Variants in IQGAP2 observed in about 807,000 individuals in gnomAD.
IQGAP2 encodes the protein ras GTPase-activating-like protein IQGAP2.
In IQGAP2, 173 loss-of-function variants were observed where a neutral mutation model predicts 201.3. The ratio of observed to expected loss-of-function variants is 0.86; its 90% confidence interval spans 0.76 to 0.98. The LOEUF is 0.98. IQGAP2 is among the 50% of genes least tolerant of loss of function. The pLI is 0.00. For synonymous variants in IQGAP2, 675 were observed against 673.9 expected, an observed-to-expected ratio of 1.00 and a Z score of -0.03; for missense variants, 1,687 against 1,864.8, an observed-to-expected ratio of 0.90 and a Z score of 1.76.
intron 29 of IQGAP2, among the ~76,000 whole-genome samples, chr5:76,683,491 CA>C (rs548478111): frequency 2.6e-5 from 4 of 152,152 alleles, no homozygotes; most frequent in African/African-American, 9.6e-5. Flanking sequence ...AGAAAGAAGC[CA>C]TCAATAAAGA....
intron 1 of IQGAP2, among the ~76,000 whole-genome samples, chr5:76,443,446 C>A (rs1373138559): frequency 1.3e-5 from 2 of 151,532 alleles, no homozygotes; most frequent in Non-Finnish European, 2.9e-5. Flanking sequence ...CATAGTGAGA[C>A]CTCATCTCTG....
chr5:76,668,345 T>C (rs939250034), intron 22 of IQGAP2, among the ~76,000 whole-genome samples: 1 of 151,712 alleles, frequency 6.6e-6, no homozygotes, highest in Non-Finnish European at 1.5e-5. Flanking sequence ...CTATCATAAT[T>C]TTCTACTATA....
chr5:76,608,897 C>T (rs1748026289), intron 12 of IQGAP2: 2 of 474,858 alleles, frequency 4.2e-6, no homozygotes, highest in Non-Finnish European at 7.7e-6. Context: ...TCTAAAAGAA[C>T]GCCCACTCTC....
At chr5:76,551,798 G>A (rs1743555300) in intron 2 of IQGAP2, among the ~76,000 whole-genome samples, 1 of 151,586 alleles carries the variant, frequency 6.6e-6, no homozygotes, top group Non-Finnish European at 1.5e-5. Flanking sequence ...AGCCGAGATG[G>A]CGGCAGTACA....
In IQGAP2 at chr5:76,686,103, T is replaced by C. The variant is rs148206316; in HGVS notation, c.3905+2186T>C. 2.6e-3 allele frequency among the ~76,000 whole-genome samples: 394 copies of C among 152,350 alleles called. 1 individual carries two copies. Among genetic ancestry groups the C allele is most frequent in the African/African-American group, 8.8e-3 (367 of 41,582 alleles). ...TGTCATCCACTTGTGTATTTATGTA[T>C]TCTTTTTGGAGAAATGTCTATTTAA... On this transcript the variant is annotated intron_variant, in intron 30 of 35. Coordinates refer to ENST00000274364, the MANE Select transcript of IQGAP2 (RefSeq NM_006633.5).
intron 2 of IQGAP2, among the ~76,000 whole-genome samples, chr5:76,531,615 C>T (rs1465541530): frequency 6.6e-6 from 1 of 152,136 alleles, no homozygotes. Flanking sequence ...ATTTGGAGGA[C>T]ATATTCAGAC....
Position 76,617,978 on chromosome 5 carries a change from G to A in IQGAP2, c.1521+6795G>A, listed in dbSNP as rs566985766. 1.9e-6 allele frequency: 3 copies of A among 1,614,164 alleles called. No individual in the cohort carries two copies. The South Asian group carries it at 3.3e-5, about 18-fold the overall frequency. On this transcript the variant is annotated intron_variant, in intron 13 of 35. Transcript: ENST00000274364. ...AAGTGTTGTGAACATCATGGCAGGT[G>A]GTGATGTCTGGCTGAACAAGATAAT...
At chr5:76,583,993 C>T (rs1351530629) in intron 5 of IQGAP2, among the ~76,000 whole-genome samples, 1 of 152,080 alleles carries the variant, frequency 6.6e-6, no homozygotes, top group Non-Finnish European at 1.5e-5. Context: ...CTGCCTCAGC[C>T]TCCCTAGTAG....
At chr5:76,447,659 G>T (rs906644704) in intron 1 of IQGAP2, among the ~76,000 whole-genome samples, 7 of 152,064 alleles carry the variant, frequency 4.6e-5, no homozygotes, top group African/African-American at 9.7e-5. Context: ...GTGGGTGCTT[G>T]GTTGGTTAAA....
At chr5:76,434,540 A>G (rs61567151) in intron 1 of IQGAP2, among the ~76,000 whole-genome samples, 14,482 of 152,090 alleles carry the variant, frequency 0.095, 1,779 homozygotes, top group African/African-American at 0.29. Context: ...TTTTTTTATG[A>G]TTGACTAGTA....
Position 76,701,114 on chromosome 5 carries a change from A to C in IQGAP2, c.4406A>C (p.Glu1469Ala). Residue 1469 changes from glutamate (E) to alanine (A), a missense_variant, in exon 34 of 36, where the codon GAA becomes GCA. Glu to Ala is a moderately radical substitution (Grantham distance 107, BLOSUM62 -1). Coordinates refer to ENST00000274364, the MANE Select transcript of IQGAP2 (RefSeq NM_006633.5). ...TCAATTAAACTAGATGGAAAAGGAG[A>C]ACCCAAAGGGGCGAAGAGAGCGAAG... Reference protein sequence around the residue: ...RRSIKLDGKGEPKGAKRAKPV... With the variant: ...RRSIKLDGKGAPKGAKRAKPV... 6 of 1,614,182 alleles carry C rather than the reference A, an allele frequency of 3.7e-6. No individual in the cohort carries two copies. The highest frequency in any genetic ancestry group is 5.1e-6 in the Non-Finnish European group (6 of 1,179,972).
At chr5:76,692,970 G>A (rs1271040179) in intron 30 of IQGAP2, among the ~76,000 whole-genome samples, 1 of 152,162 alleles carries the variant, frequency 6.6e-6, no homozygotes, top group Non-Finnish European at 1.5e-5. Context: ...CAGGAAAGGA[G>A]AATATTAGAT....
chr5:76,461,640 AT>A lies in IQGAP2; in HGVS notation c.118del (p.Tyr40IlefsTer5). On this transcript the variant is annotated frameshift_variant, in exon 2 of 36. Coordinates refer to ENST00000274364, the MANE Select transcript of IQGAP2 (RefSeq NM_006633.5). LOFTEE classifies it high-confidence loss of function. ...GGAGGCGGCAGAACATTGCTTATGA[AT>A]ATCTGTGCCACTTAGAGGAAGCCAA... ...ERRRQNIAYE[Y>X]LCHLEEAKRW... 1 of 1,613,950 alleles carries A rather than the reference AT, an allele frequency of 6.2e-7. No homozygotes were observed. The highest frequency in any genetic ancestry group is 1.7e-4 in the Middle Eastern group (1 of 6,060).
intron 13 of IQGAP2, among the ~76,000 whole-genome samples, chr5:76,612,449 C>T (rs113568833): frequency 0.036 from 5,482 of 151,832 alleles, 188 homozygotes; most frequent in East Asian, 0.099. Flanking sequence ...GAGCTGAGAT[C>T]GCACCATTGC....
rs116215830 is a variant in IQGAP2 at position 76,539,335 on chromosome 5, C to T, written c.147-23061C>T. Among the ~76,000 whole-genome samples the T allele has an allele frequency of 7.8e-3, 1,192 of 152,258 alleles. 18 individuals are homozygous for T. Among genetic ancestry groups the T allele is most frequent in the African/African-American group, 0.026 (1,099 of 41,528 alleles). ...GCTCCCTCAGTGGGCCTGCCACTCC[C>T]GAATCTCTGACTCAAAAATGGGTAC... On this transcript the variant is annotated intron_variant, in intron 2 of 35. Transcript: ENST00000274364.
chr5:76,428,514 T>A (rs1752144714), intron 1 of IQGAP2, among the ~76,000 whole-genome samples: 1 of 147,168 alleles, frequency 6.8e-6, no homozygotes, highest in Non-Finnish European at 1.5e-5. Context: ...CTCTGCAACC[T>A]CCACCTCACG....
intron 2 of IQGAP2, among the ~76,000 whole-genome samples, chr5:76,485,349 A>G (rs1033409272): frequency 6.6e-6 from 1 of 152,224 alleles, no homozygotes; most frequent in Non-Finnish European, 1.5e-5. Context: ...TATTATCTAT[A>G]AATAGCTTCA....
intron 1 of IQGAP2, among the ~76,000 whole-genome samples, chr5:76,437,249 TG>T (rs1752759859): frequency 6.6e-6 from 1 of 152,076 alleles, no homozygotes; most frequent in South Asian, 2.1e-4. Context: ...GATGGGGTTT[TG>T]CCACATTGCC....
chr5:76,496,729 CTTT>C (rs1561416151), intron 2 of IQGAP2, among the ~76,000 whole-genome samples: 1 of 31,648 alleles, frequency 3.2e-5, no homozygotes, highest in Non-Finnish European at 5.6e-5. Flanking sequence ...TCTTTCTTTT[CTTT>C]CTTTCTTTCT....
Sources: gnomAD v4.1 joint callset for allele counts (sites outside exome capture counted in the v4.1 genomes callset) on GRCh38, gnomAD v4.1.1 for gene constraint, MANE v1.5 for transcripts, NCBI Gene and HGNC (gene_info 2026-07-23, HGNC 2026-07-21) for gene names.